The following RNF122 variants were observed in gnomAD, a reference collection of about 807,000 sequenced individuals.
RNF122 encodes ring finger protein 122.
In RNF122, 17 loss-of-function variants were observed where a neutral mutation model predicts 24.2. The ratio of observed to expected loss-of-function variants is 0.70; its 90% CI spans 0.48 to 1.06. RNF122 has a LOEUF of 1.06. Among genes scored for constraint, RNF122 ranks in the 50% least tolerant of loss-of-function variants. The pLI, the probability that RNF122 is intolerant of heterozygous loss-of-function variation, is 0.00. For synonymous variants in RNF122, 65 were observed against 71.8 expected, an observed-to-expected ratio of 0.91 and a Z score of 0.48; for missense variants, 168 against 198.1, an observed-to-expected ratio of 0.85 and a Z score of 0.91.
At chr8:33,564,314 G>A (rs533154545) in intron 1 of RNF122, among the ~76,000 whole-genome samples, 1 of 152,114 alleles carries the variant, frequency 6.6e-6, no homozygotes, top group Non-Finnish European at 1.5e-5. Context: ...TTGAGAGTCC[G>A]TGGTGGGAGG....
intron 5 of RNF122, 21 bp downstream of exon 5, chr8:33,549,389 C>T: frequency 6.2e-7 from 1 of 1,601,148 alleles, no homozygotes; most frequent in Non-Finnish European, 8.6e-7. Context: ...CGACGGGCAC[C>T]CTGGACACAT....
chr8:33,564,476 G>A (rs1034666377), intron 1 of RNF122, among the ~76,000 whole-genome samples: 10 of 152,296 alleles, frequency 6.6e-5, no homozygotes, highest in African/African-American at 2.4e-4. Context: ...GGGAGGCTGA[G>A]GCAGGAGGAT....
At chr8:33,554,795 T>C (rs1485384490) in intron 2 of RNF122, among the ~76,000 whole-genome samples, 1 of 152,342 alleles carries the variant, frequency 6.6e-6, no homozygotes, top group South Asian at 2.1e-4. Flanking sequence ...AATGTTTCCC[T>C]TCCTGCCTAT....
intron 2 of RNF122, among the ~76,000 whole-genome samples, chr8:33,553,775 A>G (rs1373200724): frequency 1.3e-5 from 2 of 152,164 alleles, no homozygotes; most frequent in Non-Finnish European, 2.9e-5. Context: ...TGCAGGGCAG[A>G]TAAGATCAGG....
chr8:33,555,782 A>C (rs1810442632), intron 2 of RNF122, among the ~76,000 whole-genome samples: 1 of 152,170 alleles, frequency 6.6e-6, no homozygotes, highest in Admixed American at 6.5e-5. Flanking sequence ...CTCATTTATA[A>C]AGTGGGTCAA....
intron 2 of RNF122, among the ~76,000 whole-genome samples, 186 bp from the exon 3 acceptor site, chr8:33,551,575 C>T (rs1328750976): frequency 1.3e-5 from 2 of 152,108 alleles, no homozygotes; most frequent in Admixed American, 6.6e-5. Flanking sequence ...GACTGTTACT[C>T]GGGTTTGACA....
chr8:33,564,314 G>T (rs533154545), intron 1 of RNF122, among the ~76,000 whole-genome samples: 6 of 152,232 alleles, frequency 3.9e-5, no homozygotes, highest in African/African-American at 1.4e-4. Flanking sequence ...TTGAGAGTCC[G>T]TGGTGGGAGG....
chr8:33,551,256 G>T, intron 3 of RNF122, 88 bp downstream of exon 3: 1 of 1,543,366 alleles, frequency 6.5e-7, no homozygotes. Flanking sequence ...GGGGATTCCT[G>T]CCCAGGAGAA....
At chr8:33,564,670 C>T (rs767982189) in intron 1 of RNF122, among the ~76,000 whole-genome samples, 1 of 152,192 alleles carries the variant, frequency 6.6e-6, no homozygotes, top group South Asian at 2.1e-4. Flanking sequence ...GTCAAAAGTT[C>T]AAGACCAGTC....
chr8:33,550,896 C>T, intron 4 of RNF122, 148 bp downstream of exon 4: 4 of 745,702 alleles, frequency 5.4e-6, no homozygotes, highest in Non-Finnish European at 7.2e-6. Flanking sequence ...TAATTACTTG[C>T]TGAGATGTGT....
At position 33,558,726 on chromosome 8, in the gene RNF122, G is replaced by A. The variant is rs781326193; in HGVS notation, c.71C>T (p.Ser24Leu). Residue 24 changes from serine (S) to leucine (L), a missense_variant, in exon 2 of 6, where the codon TCG becomes TTG. Coordinates refer to ENST00000256257, the MANE Select transcript of RNF122 (RefSeq NM_024787.3). ...LGLVSTNKSC[S>L]MPPISFQDLP... The stretch of plus-strand genomic sequence containing the variant: ...GTCCTGGAAACTGATGGGTGGCATC[G>A]AGCAGGACTTGTTGGTGCTAACCAG... 9.3e-6 allele frequency: 15 copies of A among 1,610,224 alleles called. No homozygotes were observed. The highest frequency in any genetic ancestry group is 1.3e-5 in the Non-Finnish European group (15 of 1,177,488).
intron 2 of RNF122, among the ~76,000 whole-genome samples, chr8:33,552,390 ACT>A (rs1182937643): frequency 7.2e-5 from 11 of 151,850 alleles, no homozygotes; most frequent in Non-Finnish European, 1.5e-4. Context: ...CAAGAGCGAA[ACT>A]CTGTCTCATA....
At chr8:33,549,136 G>A (rs551173891) in intron 5 of RNF122, among the ~76,000 whole-genome samples, 4 of 151,914 alleles carry the variant, frequency 2.6e-5, no homozygotes, top group South Asian at 4.2e-4. Context: ...CAGGAGAATC[G>A]CTTGAACCTG....
intron 1 of RNF122, among the ~76,000 whole-genome samples, chr8:33,561,096 G>A (rs1472294528): frequency 8.5e-6 from 1 of 118,336 alleles, no homozygotes; most frequent in African/African-American, 3.9e-5. Flanking sequence ...TACTGCCACA[G>A]TAAAGGTTAC....
intron 4 of RNF122, among the ~76,000 whole-genome samples, chr8:33,550,239 C>T (rs911276418): frequency 2.0e-5 from 3 of 152,128 alleles, no homozygotes; most frequent in African/African-American, 7.2e-5. Context: ...GGCCCAGTTA[C>T]ATTCTTTAAA....
intron 2 of RNF122, among the ~76,000 whole-genome samples, chr8:33,557,686 T>C (rs996400816): frequency 6.6e-6 from 1 of 151,660 alleles, no homozygotes; most frequent in African/African-American, 2.4e-5. Flanking sequence ...AGTCCCCATG[T>C]CCTTCAACAA....
At chr8:33,550,252 C>T (rs1810354538) in intron 4 of RNF122, among the ~76,000 whole-genome samples, 1 of 152,132 alleles carries the variant, frequency 6.6e-6, no homozygotes, top group Non-Finnish European at 1.5e-5. Flanking sequence ...TCTTTAAATC[C>T]AGACTTCCCA....
At chr8:33,565,935 T>C (rs7010369) in intron 1 of RNF122, among the ~76,000 whole-genome samples, 94,407 of 152,032 alleles carry the variant, frequency 0.62, 30,461 homozygotes, top group African/African-American at 0.81. Flanking sequence ...CTCACTGCAA[T>C]CTCCGCCTCC....
chr8:33,565,029 A>G (rs1412449923), intron 1 of RNF122, among the ~76,000 whole-genome samples: 2 of 152,228 alleles, frequency 1.3e-5, no homozygotes, highest in Admixed American at 1.3e-4. Flanking sequence ...AAGCACTGAC[A>G]TCAGAATGTC....
Sources: allele counts gnomAD v4.1 joint callset (sites outside exome capture counted in the v4.1 genomes callset), GRCh38; gene constraint gnomAD v4.1.1; transcripts MANE v1.5; gene names NCBI Gene and HGNC (gene_info 2026-07-23, HGNC 2026-07-21).